Variants in PCDHGA5 observed in about 807,000 individuals in gnomAD.
The protein encoded by PCDHGA5 is protocadherin gamma-A5.
PCDHGA5 carries 36 observed loss-of-function variants against 56.7 expected under a neutral mutation model. The observed-to-expected ratio is 0.64, with a 90% CI of 0.49 to 0.84. The LOEUF (loss-of-function observed/expected upper bound fraction) is 0.84, where lower values mean the gene tolerates loss of function less well. Among genes scored for constraint, PCDHGA5 ranks in the 40% least tolerant of loss-of-function variants. The probability of loss-of-function intolerance (pLI) is 0.00; values close to 1 mark genes in which losing one functional copy is unlikely to be tolerated. For missense variants in PCDHGA5, 1,305 were observed against 1,201.5 expected (o/e 1.09, Z -1.27); for synonymous variants, 563 against 520.2 (o/e 1.08, Z -1.12).
chr5:141,445,545 A>G (rs1422837499), intron 1 of PCDHGA5, among the ~76,000 whole-genome samples: 2 of 152,256 alleles, frequency 1.3e-5, no homozygotes, highest in Non-Finnish European at 2.9e-5. Context: ...AAGGAGAAAT[A>G]CAAAAGCACT....
chr5:141,471,394 G>A (rs1349459242), intron 1 of PCDHGA5: 1 of 152,056 alleles, frequency 6.6e-6, no homozygotes, highest in Non-Finnish European at 1.5e-5. Context: ...TACAAGTTAC[G>A]TAGCTAGGCT....
At chr5:141,483,656 G>A (rs1345435222) in intron 1 of PCDHGA5, among the ~76,000 whole-genome samples, 1 of 151,984 alleles carries the variant, frequency 6.6e-6, no homozygotes, top group Non-Finnish European at 1.5e-5. Flanking sequence ...GTTTGTGTGT[G>A]TGTGTGTGTG....
chr5:141,418,069 G>T, intron 1 of PCDHGA5: 4 of 1,614,042 alleles, frequency 2.5e-6, no homozygotes, highest in South Asian at 2.2e-5. Flanking sequence ...GAGTGAGCGC[G>T]GAGAAGCTGC....
intron 1 of PCDHGA5, chr5:141,416,753 G>A (rs1168212796): frequency 1.3e-5 from 2 of 152,154 alleles, no homozygotes; most frequent in Non-Finnish European, 2.9e-5. Context: ...GACGTATTAG[G>A]TAGATCTCTT....
rs1562065751 is a variant in PCDHGA5, at chr5:141,477,907, C to T, written c.2422-16900C>T. The T allele has an allele frequency of 1.9e-6, 3 of 1,614,164 alleles. No homozygotes were observed. The highest frequency in any genetic ancestry group is 2.2e-5 in the East Asian group (1 of 44,872). ...TAGTGTCACGGGTGGTAGGCTGGGA[C>T]GCGGATGCAGGGCACAATGCCTGGC... On this transcript the variant is annotated intron_variant, in intron 1 of 3. Transcript: ENST00000518069. This position sits in a 1 kb window ranked among gnomAD's most constrained non-coding sequence, Gnocchi z 4.9.
chr5:141,384,184 A>C (rs1179495803), intron 1 of PCDHGA5: 2 of 1,613,640 alleles, frequency 1.2e-6, no homozygotes, highest in Non-Finnish European at 1.7e-6. Flanking sequence ...AGATGGTGGA[A>C]CTCCTCCCTT....
chr5:141,367,287 C>T (rs1765038188), intron 1 of PCDHGA5: 2 of 153,044 alleles, frequency 1.3e-5, no homozygotes, highest in African/African-American at 2.4e-5. Flanking sequence ...GCCTGTAATC[C>T]CAGCACTTTG....
rs758099753 is a variant in PCDHGA5, at chr5:141,432,129, A to G, written c.2422-62678A>G. The G allele has an allele frequency of 5.6e-6, 9 of 1,614,054 alleles. No homozygotes were observed. The highest frequency in any genetic ancestry group is 5.5e-5 in the South Asian group (5 of 91,056). On this transcript the variant is annotated intron_variant, in intron 1 of 3. Transcript: ENST00000518069. The surrounding 1 kb of genome is among the most constrained non-coding windows in gnomAD (Gnocchi z 6.0). Reference sequence around the variant, plus strand: ...CCGCCGGTCTTCCCTCAGGCCTCCTATTCCGCTTATATCCCAGAGAACAAT... The same window carrying G: ...CCGCCGGTCTTCCCTCAGGCCTCCTGTTCCGCTTATATCCCAGAGAACAAT...
chr5:141,508,043 T>A (rs2099865910), intron 3 of PCDHGA5: 1 of 152,252 alleles, frequency 6.6e-6, no homozygotes, highest in Non-Finnish European at 1.5e-5. Context: ...CAGCCAGCTG[T>A]GTTCCAGCTA....
chr5:141,501,419 C>A (rs910783867), intron 2 of PCDHGA5, among the ~76,000 whole-genome samples: 1 of 151,920 alleles, frequency 6.6e-6, no homozygotes, highest in Non-Finnish European at 1.5e-5. Flanking sequence ...AAATAGTTGA[C>A]TAAATGTAGT....
At chr5:141,478,766 T>C in intron 1 of PCDHGA5, 2 of 1,505,456 alleles carry the variant, frequency 1.3e-6, no homozygotes, top group Non-Finnish European at 1.8e-6. Flanking sequence ...GATACTTGAC[T>C]CATCTGTGGA....
At position 141,394,369 on chromosome 5, in the gene PCDHGA5, C is replaced by T. The variant is rs183754735; in HGVS notation, c.2421+27618C>T. On this transcript the variant is annotated intron_variant, in intron 1 of 3. Transcript: ENST00000518069. Reference sequence around the variant, plus strand: ...ACCGGTGTCCTGTATGCGCTGCAATCTTTCGACTATGAGCAGATCCGAGAC... The same window carrying T: ...ACCGGTGTCCTGTATGCGCTGCAATTTTTCGACTATGAGCAGATCCGAGAC... 3.7e-5 allele frequency: 59 copies of T among 1,614,206 alleles called. No homozygotes were observed. Among genetic ancestry groups the T allele is most frequent in the Middle Eastern group, 1.6e-4 (1 of 6,062 alleles).
chr5:141,478,199 C>G, intron 1 of PCDHGA5: 1 of 1,614,056 alleles, frequency 6.2e-7, no homozygotes, highest in Non-Finnish European at 8.5e-7. Flanking sequence ...CTTTTATCTA[C>G]TTCTTTCTCT....
chr5:141,408,060 T>G (rs2095034623), intron 1 of PCDHGA5: 1 of 1,324,738 alleles, frequency 7.5e-7, no homozygotes, highest in Admixed American at 2.9e-5. Flanking sequence ...GCCTCCCGGC[T>G]GCGCAGACCT....
chr5:141,372,417 C>T lies in PCDHGA5; in HGVS notation c.2421+5666C>T, dbSNP rs762705826. 12 of 1,614,062 alleles carry T rather than the reference C, an allele frequency of 7.4e-6. No homozygotes were observed. In the South Asian group the frequency reaches 1.2e-4, roughly 16 times the overall value. ...TAGCTTGCAAGAGATACAACCTGAC[C>T]TTAGCGACCGCCCCACTCCCTCTGA... On this transcript the variant is annotated intron_variant, in intron 1 of 3. Transcript: ENST00000518069.
rs2233605 is a variant in PCDHGA5 at position 141,490,412 on chromosome 5, C to A, written c.2422-4395C>A. ...GGTGAAGTGAGCCTTGATATCTCTC[C>A]GGACCTGCCATTTCAGATTAAGCCT... On this transcript the variant is annotated intron_variant, in intron 1 of 3. Transcript: ENST00000518069. This position sits in a 1 kb window ranked among gnomAD's most constrained non-coding sequence, Gnocchi z 5.4. 1.3e-4 allele frequency: 203 copies of A among 1,614,064 alleles called. 1 individual carries two copies. The highest frequency in any genetic ancestry group is 3.5e-4 in the South Asian group (32 of 91,086).
At chr5:141,498,551 C>T (rs749191535) in intron 2 of PCDHGA5, among the ~76,000 whole-genome samples, 2 of 151,950 alleles carry the variant, frequency 1.3e-5, no homozygotes, top group Non-Finnish European at 2.9e-5. Context: ...GTCAGACACA[C>T]CAGCTTCAAA....
Position 141,370,589 on chromosome 5 carries a change from C to A in PCDHGA5, c.2421+3838C>A, listed in dbSNP as rs1373846949. 6.2e-7 allele frequency: 1 copy of A among 1,613,898 alleles called. No individual in the cohort carries two copies. The highest frequency in any genetic ancestry group is 1.1e-5 in the South Asian group (1 of 91,062). The stretch of plus-strand genomic sequence containing the variant: ...GCGTGGGGGATTTACCTACTAGGAA[C>A]CTGCGGGTTATTGCAGAGAAGAAAT... On this transcript the variant is annotated intron_variant, in intron 1 of 3. Transcript: ENST00000518069.
At chr5:141,421,934 T>C (rs1478005202) in intron 1 of PCDHGA5, 1 of 1,613,548 alleles carries the variant, frequency 6.2e-7, no homozygotes, top group Admixed American at 1.7e-5. Context: ...GTCCTCGATG[T>C]AAATGATCAC....
Sources: allele counts gnomAD v4.1 joint callset (sites outside exome capture counted in the v4.1 genomes callset), GRCh38; gene constraint gnomAD v4.1.1; non-coding constraint Gnocchi (gnomAD v3.1); transcripts MANE v1.5; gene names NCBI Gene and HGNC (gene_info 2026-07-23, HGNC 2026-07-21).